Variants in C5 observed in about 807,000 individuals in gnomAD.
C5 encodes the protein complement C5.
Under a neutral mutation model 218.8 loss-of-function variants are expected in C5, and 140 were observed. The ratio of observed to expected loss-of-function variants is 0.64; its 90% confidence interval spans 0.56 to 0.74. The LOEUF (loss-of-function observed/expected upper bound fraction) is 0.74, where lower values mean the gene tolerates loss of function less well. C5 is among the 30% of genes least tolerant of loss of function. The pLI is 0.00. For synonymous variants in C5, 614 were observed against 682.3 expected (o/e 0.90, Z 1.56); for missense variants, 1,700 against 1,969.6 (o/e 0.86, Z 2.59).
chr9:121,027,469 CA>C (rs1341269579), intron 7 of C5, among the ~76,000 whole-genome samples, 195 bp from the exon 8 acceptor site: 2 of 152,134 alleles, frequency 1.3e-5, no homozygotes, highest in Non-Finnish European at 2.9e-5. Context: ...GTAACCAAAA[CA>C]GCATGGTACT....
At chr9:121,000,534 T>G (rs2047152782) in intron 20 of C5, among the ~76,000 whole-genome samples, 1 of 152,166 alleles carries the variant, frequency 6.6e-6, no homozygotes, top group African/African-American at 2.4e-5. Flanking sequence ...ACATTTTAAA[T>G]CAGTTGGAAA....
In C5 at chr9:121,037,838, GA is replaced by G. The variant is rs779336626; in HGVS notation, c.492+42del. On this transcript the variant is annotated intron_variant, in intron 4 of 40. Transcript: ENST00000223642. ...GGTTATGAAATGAGATTCTTGTCCTGAAAAATGAATTAAAGTATTATTTAAA... is the reference window on the plus strand; with the variant it reads ...GGTTATGAAATGAGATTCTTGTCCTGAAAATGAATTAAAGTATTATTTAAA... 70 of 873,510 alleles carry G rather than the reference GA, an allele frequency of 8.0e-5. 1 individual carries two copies. The highest frequency in any genetic ancestry group is 6.7e-4 in the Middle Eastern group (2 of 2,990). 54.1% of individuals were successfully genotyped at this position (873,510 alleles called of 1,614,324 possible).
At chr9:121,017,924 G>A (rs2131762771) in intron 12 of C5, 72 bp from the exon 13 acceptor site, 1 of 927,296 alleles carries the variant, frequency 1.1e-6, no homozygotes, top group East Asian at 2.5e-5. Context: ...GCTTTAGGAT[G>A]CAGCCTGGAG....
chr9:121,005,464 A>G (rs146510338), intron 20 of C5, among the ~76,000 whole-genome samples: 8 of 152,312 alleles, frequency 5.3e-5, no homozygotes, highest in African/African-American at 1.9e-4. Flanking sequence ...AGTTAGGAGG[A>G]CAGGAAGGAG....
intron 8 of C5, chr9:121,025,947 T>A (rs1287853458): frequency 5.4e-6 from 1 of 185,884 alleles, no homozygotes; most frequent in Non-Finnish European, 1.1e-5. Flanking sequence ...TGTACTTCAC[T>A]GCTTACAAAT....
intron 11 of C5, among the ~76,000 whole-genome samples, chr9:121,020,728 C>T (rs2047357920): frequency 6.6e-6 from 1 of 152,172 alleles, no homozygotes; most frequent in African/African-American, 2.4e-5. Context: ...GTGTTATTAG[C>T]TCATGCTCTG....
intron 6 of C5, among the ~76,000 whole-genome samples, chr9:121,031,757 T>C (rs554050207): frequency 1.6e-4 from 24 of 152,312 alleles, no homozygotes; most frequent in African/African-American, 5.5e-4. Context: ...TGCAAAACAC[T>C]AACTTTTTAT....
intron 2 of C5, among the ~76,000 whole-genome samples, chr9:121,043,424 A>C (rs2047598302): frequency 6.6e-6 from 1 of 152,224 alleles, no homozygotes; most frequent in South Asian, 2.1e-4. Flanking sequence ...CATTTAGTGA[A>C]ACTACTACTA....
chr9:121,061,561 C>T, the C5 span, among the ~76,000 whole-genome samples: 2 of 152,090 alleles, frequency 1.3e-5, no homozygotes, highest in East Asian at 3.9e-4. Flanking sequence ...AAAGCCTTTT[C>T]CTTTCATCTG....
chr9:121,046,822 A>G (rs1032733797), intron 1 of C5, among the ~76,000 whole-genome samples: 3 of 151,926 alleles, frequency 2.0e-5, no homozygotes, highest in Admixed American at 1.3e-4. Context: ...CTGTGAAAAT[A>G]ATCGCCTTCT....
chr9:120,987,651 G>GA (rs2047043625), intron 25 of C5, among the ~76,000 whole-genome samples: 1 of 133,522 alleles, frequency 7.5e-6, no homozygotes, highest in Non-Finnish European at 1.7e-5. Context: ...AAAAAAAAAA[G>GA]AAAAAAGAAA....
chr9:121,016,356 G>A lies in C5; in HGVS notation c.1894C>T (p.Leu632=), dbSNP rs1477248427. ...RVFQFLEKSD[L]GCGAGGGLNN... is the part of the protein sequence containing the mutation. Reference sequence around the variant, plus strand: ...AGGCCACCACCTGCCCCACAGCCCAGATCACTCTTCTCTAAGAATTGAAAT... The same window carrying A: ...AGGCCACCACCTGCCCCACAGCCCAAATCACTCTTCTCTAAGAATTGAAAT... Residue 632 remains leucine, a synonymous_variant, in exon 15 of 41, where the codon CTG becomes TTG. Coordinates refer to ENST00000223642, the MANE Select transcript of C5 (RefSeq NM_001735.3). The A allele has an allele frequency of 2.5e-6, 4 of 1,614,068 alleles. No homozygotes were observed. In the East Asian group the frequency reaches 6.7e-5, roughly 27 times the overall value.
intron 30 of C5, among the ~76,000 whole-genome samples, 183 bp from the exon 31 acceptor site, chr9:120,972,175 C>T (rs1291633678): frequency 6.6e-6 from 1 of 152,130 alleles, no homozygotes; most frequent in African/African-American, 2.4e-5. Flanking sequence ...CTGGTATTTC[C>T]CCTTTCCCTT....
In C5 at chr9:121,031,998, G is replaced by A. The variant is rs905989327; in HGVS notation, c.667+115C>T. 21 of 619,702 alleles carry A rather than the reference G, an allele frequency of 3.4e-5. No individual in the cohort carries two copies. The African/African-American group carries it at 3.9e-4, about 11-fold the overall frequency. 38.4% of individuals were successfully genotyped at this position (619,702 alleles called of 1,614,324 possible). A position where few individuals can be genotyped will look rare whatever the true frequency, so the allele number is the denominator to read the frequency against. ...GAATTGCTTGAACCCAGGAGGCGGA[G>A]GTTGCAGTGAGCTGAGATCGTGCCA... On this transcript the variant is annotated intron_variant, in intron 6 of 40. Coordinates refer to ENST00000223642, the MANE Select transcript of C5 (RefSeq NM_001735.3).
chr9:121,017,200 T>C (rs933606948), intron 14 of C5, among the ~76,000 whole-genome samples, 162 bp downstream of exon 14: 1 of 152,244 alleles, frequency 6.6e-6, no homozygotes, highest in Non-Finnish European at 1.5e-5. Flanking sequence ...AGGATTGACC[T>C]GTGCTTTGGG....
At chr9:120,978,233 C>A (rs1288327514) in intron 28 of C5, among the ~76,000 whole-genome samples, 1 of 152,004 alleles carries the variant, frequency 6.6e-6, no homozygotes, top group Admixed American at 6.6e-5. Context: ...CTTTTTGGAA[C>A]AAACTATTTG....
At chr9:121,066,119 C>T in the C5 span, among the ~76,000 whole-genome samples, 3 of 151,730 alleles carry the variant, frequency 2.0e-5, no homozygotes, top group Non-Finnish European at 4.4e-5. Flanking sequence ...TCAAGACCAG[C>T]CTGGCCAATA....
In C5 at chr9:121,002,298, G is replaced by A. The variant is rs12003759; in HGVS notation, c.2562+3621C>T. Among the ~76,000 whole-genome samples, 228 of 99,986 alleles carry A rather than the reference G, an allele frequency of 2.3e-3. 3 individuals are homozygous for A. Among genetic ancestry groups the A allele is most frequent in the Admixed American group, 3.5e-3 (32 of 9,044 alleles). The allele number at this position is 99,986 out of a possible 152,430, so 65.6% of individuals were successfully genotyped here. A position where few individuals can be genotyped will look rare whatever the true frequency, so the allele number is the denominator to read the frequency against. ...TATATATACGTATATATGTATATATGTATATATATATGTGTGTGTATATAT... is the reference window on the plus strand; with the variant it reads ...TATATATACGTATATATGTATATATATATATATATATGTGTGTGTATATAT... On this transcript the variant is annotated intron_variant, in intron 20 of 40. Transcript: ENST00000223642.
intron 32 of C5, among the ~76,000 whole-genome samples, 184 bp from the exon 33 acceptor site, chr9:120,969,302 C>A (rs2046892771): frequency 7.8e-6 from 1 of 127,492 alleles, no homozygotes; most frequent in South Asian, 2.4e-4. Flanking sequence ...ATTGACAATA[C>A]CAGGAAGTCT....
Sources: gnomAD v4.1 joint callset for allele counts (sites outside exome capture counted in the v4.1 genomes callset) on GRCh38, gnomAD v4.1.1 for gene constraint, MANE v1.5 for transcripts, NCBI Gene and HGNC (gene_info 2026-07-23, HGNC 2026-07-21) for gene names.